The following ZNF783 variants were observed in gnomAD, a reference collection of about 807,000 sequenced individuals.
ZNF783 encodes zinc finger protein 783.
In ZNF783, 25 loss-of-function variants were observed where a neutral mutation model predicts 31.3. The observed-to-expected ratio is 0.80, with a 90% CI of 0.58 to 1.11. The LOEUF (loss-of-function observed/expected upper bound fraction) is 1.11, where lower values mean the gene tolerates loss of function less well. ZNF783 is among the 50% of genes most tolerant of loss of function. ZNF783 has a pLI of 0.00. For synonymous variants in ZNF783, 369 were observed against 319.1 expected (o/e 1.16, Z -1.66); for missense variants, 797 against 760.0 (o/e 1.05, Z -0.57).
rs1278731450 is a variant in ZNF783 at position 149,282,656 on chromosome 7, TAG to T, written c.*317_*318del. 1 of 306,550 alleles carries T rather than the reference TAG, an allele frequency of 3.3e-6. No homozygotes were observed. Among genetic ancestry groups the T allele is most frequent in the Non-Finnish European group, 5.9e-6 (1 of 168,838 alleles). 19.0% of individuals were successfully genotyped at this position (306,550 alleles called of 1,614,324 possible). ...CATGGCCCTTCCAGTATGGGGGCGA[TAG>T]AGACATCGGGGACCTGGGATTTTTG... On this transcript the variant is annotated 3_prime_UTR_variant, in exon 6 of 6. Transcript: ENST00000434415.
intron 1 of ZNF783, among the ~76,000 whole-genome samples, chr7:149,265,912 G>C (rs1256665105): frequency 6.6e-6 from 1 of 152,232 alleles, no homozygotes; most frequent in Non-Finnish European, 1.5e-5. Context: ...GCAGAGCTGA[G>C]TTGCACCTGG....
intron 4 of ZNF783, among the ~76,000 whole-genome samples, chr7:149,276,870 A>G (rs1797344164): frequency 6.7e-6 from 1 of 150,266 alleles, no homozygotes; most frequent in Non-Finnish European, 1.5e-5. Flanking sequence ...TTTTTTTGAG[A>G]TGGAGTCTTG....
chr7:149,274,208 T>C (rs1257861477), intron 4 of ZNF783, among the ~76,000 whole-genome samples: 3 of 152,204 alleles, frequency 2.0e-5, no homozygotes, highest in Non-Finnish European at 4.4e-5. Context: ...CGAGGTCTTA[T>C]ATTTAAGTTT....
chr7:149,279,479 T>G (rs1352366348), intron 5 of ZNF783, among the ~76,000 whole-genome samples: 1 of 152,148 alleles, frequency 6.6e-6, no homozygotes, highest in Non-Finnish European at 1.5e-5. Context: ...GCCCTAGGCC[T>G]CCTTTCCCTG....
In ZNF783 at chr7:149,278,765, C is replaced by T. The variant is rs560188693; in HGVS notation, c.802+238C>T. ...AGTCTGTATAGAGGGGTGGGTTCCTCTGCGTGTTGGGGGCCTGGGCACATG... is the reference window on the plus strand; with the variant it reads ...AGTCTGTATAGAGGGGTGGGTTCCTTTGCGTGTTGGGGGCCTGGGCACATG... On this transcript the variant is annotated intron_variant, in intron 5 of 5. Transcript: ENST00000434415. Among the ~76,000 whole-genome samples the T allele has an allele frequency of 2.6e-5, 4 of 152,136 alleles. No individual in the cohort carries two copies. In the South Asian group the frequency reaches 8.3e-4, roughly 32 times the overall value.
intron 1 of ZNF783, among the ~76,000 whole-genome samples, chr7:149,264,285 G>A (rs943552352): frequency 6.6e-6 from 1 of 152,166 alleles, no homozygotes; most frequent in Admixed American, 6.5e-5. Context: ...AAGGGGGAGG[G>A]GCAGTGAAAA....
chr7:149,272,852 A>G (rs1797239499), intron 4 of ZNF783, among the ~76,000 whole-genome samples: 1 of 151,992 alleles, frequency 6.6e-6, no homozygotes, highest in Non-Finnish European at 1.5e-5. Context: ...ATTTAACTAT[A>G]TTTTTTACCC....
Position 149,282,105 on chromosome 7 carries a change from G to GC in ZNF783, c.1407dup (p.Tyr470LeufsTer22), listed in dbSNP as rs1321108630. Reference sequence around the variant, plus strand: ...GGCAATGGCCAGGGCTGGCCCGCCTGCCCCTACTGCGGCAAGGCCTTCCGC... The same window carrying GC: ...GGCAATGGCCAGGGCTGGCCCGCCTGCCCCCTACTGCGGCAAGGCCTTCCGC... On this transcript the variant is annotated frameshift_variant, in exon 6 of 6. Transcript: ENST00000434415. LOFTEE classifies it low-confidence loss of function (END_TRUNC). The GC allele has an allele frequency of 1.2e-5, 19 of 1,597,900 alleles. No individual in the cohort carries two copies. Among genetic ancestry groups the GC allele is most frequent in the Non-Finnish European group, 1.4e-5 (17 of 1,179,114 alleles).
At chr7:149,273,887 A>G (rs534087318) in intron 4 of ZNF783, among the ~76,000 whole-genome samples, 1 of 152,272 alleles carries the variant, frequency 6.6e-6, no homozygotes, top group South Asian at 2.1e-4. Flanking sequence ...TCTTTTGCCC[A>G]TTTTTAATCA....
intron 1 of ZNF783, among the ~76,000 whole-genome samples, chr7:149,264,035 C>G (rs972872043): frequency 6.6e-6 from 1 of 152,186 alleles, no homozygotes; most frequent in Non-Finnish European, 1.5e-5. Flanking sequence ...TCCACCTGCT[C>G]CTCCCTTCTT....
chr7:149,263,689 A>C (rs760198034), intron 1 of ZNF783, among the ~76,000 whole-genome samples: 5 of 152,290 alleles, frequency 3.3e-5, no homozygotes, highest in Non-Finnish European at 7.4e-5. Context: ...AGTATGTCCA[A>C]TTGGGAGATT....
intron 4 of ZNF783, among the ~76,000 whole-genome samples, chr7:149,273,069 A>T (rs1195469049): frequency 6.6e-6 from 1 of 152,212 alleles, no homozygotes; most frequent in Non-Finnish European, 1.5e-5. Context: ...GTTGTTGCAG[A>T]TGACAGGATC....
chr7:149,262,707 G>A (rs1185332975), intron 1 of ZNF783, among the ~76,000 whole-genome samples: 1 of 152,248 alleles, frequency 6.6e-6, no homozygotes, highest in Non-Finnish European at 1.5e-5. Flanking sequence ...TGGGCGGGCA[G>A]GGGCCGCCAG....
intron 4 of ZNF783, among the ~76,000 whole-genome samples, chr7:149,271,702 C>T (rs1481540767): frequency 1.3e-5 from 2 of 152,140 alleles, no homozygotes; most frequent in Non-Finnish European, 2.9e-5. Context: ...CGTTTCCATC[C>T]TTGTGGCCTC....
chr7:149,262,411 A>AGCCCGCGCGAGGGACTCT (rs1796947074), intron 1 of ZNF783, 54 bp downstream of exon 1: 1 of 1,202,076 alleles, frequency 8.3e-7, no homozygotes. Context: ...CCGCCGCGTG[A>AGCCCGCGCGAGGGACTCT]GCCCGCGCGA....
At chr7:149,279,931 T>C (rs1797422885) in intron 5 of ZNF783, among the ~76,000 whole-genome samples, 2 of 152,162 alleles carry the variant, frequency 1.3e-5, no homozygotes, top group Admixed American at 6.5e-5. Flanking sequence ...CCCCCCTTTC[T>C]ATTCCACAAA....
In ZNF783 at chr7:149,281,842, C is replaced by T. The variant is rs751038122; in HGVS notation, c.1140C>T (p.Pro380=). Reference sequence around the variant, plus strand: ...TGGAGGAGGGGCGGCAGGAGGCCCCCGGCCGCTCGCCCACCAGCTGCGGGG... The same window carrying T: ...TGGAGGAGGGGCGGCAGGAGGCCCCTGGCCGCTCGCCCACCAGCTGCGGGG... ...THVEEGRQEA[P]GRSPTSCGDS... is the part of the protein sequence containing the mutation. Residue 380 remains proline, a synonymous_variant, in exon 6 of 6, where the codon CCC becomes CCT. Coordinates refer to ENST00000434415, the MANE Select transcript of ZNF783 (RefSeq NM_001195220.2). 3.2e-5 allele frequency: 48 copies of T among 1,496,276 alleles called. No individual in the cohort carries two copies. Among genetic ancestry groups the T allele is most frequent in the Non-Finnish European group, 3.8e-5 (43 of 1,132,492 alleles). The allele number at this position is 1,496,276 out of a possible 1,614,324, so 92.7% of individuals were successfully genotyped here.
chr7:149,263,003 A>G (rs1000358906), intron 1 of ZNF783, among the ~76,000 whole-genome samples: 3 of 151,866 alleles, frequency 2.0e-5, no homozygotes, highest in Non-Finnish European at 4.4e-5. Context: ...ATCTCGGCTC[A>G]CTGCAAGCTC....
Position 149,267,513 on chromosome 7 carries a change from A to G in ZNF783, c.673+291A>G, listed in dbSNP as rs192616419. ...TACTGATCACTTTATAATAGTGGAG[A>G]CTGGCCTGGCGCGGTGGCTCACGCC... On this transcript the variant is annotated intron_variant, in intron 4 of 5. Transcript: ENST00000434415. Among the ~76,000 whole-genome samples the G allele has an allele frequency of 2.0e-4, 31 of 152,190 alleles. 2 individuals are homozygous for G. The highest frequency in any genetic ancestry group is 7.5e-4 in the African/African-American group (31 of 41,518).
Sources: gnomAD v4.1 joint callset for allele counts (sites outside exome capture counted in the v4.1 genomes callset) on GRCh38, gnomAD v4.1.1 for gene constraint, MANE v1.5 for transcripts, NCBI Gene and HGNC (gene_info 2026-07-23, HGNC 2026-07-21) for gene names.